The following JARID2 variants were observed in gnomAD, a reference collection of about 807,000 sequenced individuals.
JARID2 encodes the protein protein Jumonji.
In JARID2, 21 loss-of-function variants were observed where a neutral mutation model predicts 125.6. That is an observed-to-expected ratio of 0.17 (90% CI 0.12 to 0.24). The LOEUF is 0.24. JARID2 is among the 10% of genes least tolerant of loss of function. The probability of loss-of-function intolerance (pLI) is 1.00; values close to 1 mark genes in which losing one functional copy is unlikely to be tolerated. For synonymous variants in JARID2, 736 were observed against 661.6 expected (o/e 1.11, Z -1.73); for missense variants, 1,303 against 1,639.6 (o/e 0.79, Z 3.55).
intron 1 of JARID2, among the ~76,000 whole-genome samples, chr6:15,366,358 G>C (rs114929539): frequency 5.5e-4 from 84 of 151,924 alleles, no homozygotes; most frequent in African/African-American, 2.0e-3. Flanking sequence ...TACGGCTGTT[G>C]TTCAGATCCA....
intron 2 of JARID2, chr6:15,401,039 A>G: frequency 7.8e-7 from 1 of 1,289,380 alleles, no homozygotes; most frequent in Non-Finnish European, 1.0e-6. Context: ...TAAATAAAAG[A>G]CAAACCAAAT....
intron 2 of JARID2, chr6:15,400,842 G>A: frequency 7.8e-7 from 1 of 1,284,698 alleles, no homozygotes; most frequent in South Asian, 1.2e-5. Context: ...ATTACGTACA[G>A]GGGAGGATTG....
At chr6:15,495,462 T>A (rs1269238080) in intron 6 of JARID2, among the ~76,000 whole-genome samples, 5 of 152,184 alleles carry the variant, frequency 3.3e-5, no homozygotes, top group Admixed American at 2.0e-4. Flanking sequence ...CCTGGCCCTG[T>A]CCAGGGCTCG....
At chr6:15,425,424 C>T (rs62395390) in intron 3 of JARID2, among the ~76,000 whole-genome samples, 3,081 of 152,056 alleles carry the variant, frequency 0.02, 46 homozygotes, top group South Asian at 0.051. Context: ...ATTTTTGTTG[C>T]GGTGTACTGT....
At chr6:15,267,068 A>G (rs573948056) in intron 1 of JARID2, among the ~76,000 whole-genome samples, 67 of 152,164 alleles carry the variant, frequency 4.4e-4, no homozygotes, top group Middle Eastern at 3.2e-3. Context: ...TAGCTGCGTG[A>G]TCGAGGGTTT....
intron 1 of JARID2, among the ~76,000 whole-genome samples, chr6:15,263,685 C>T (rs1288730206): frequency 2.6e-5 from 4 of 151,442 alleles, no homozygotes; most frequent in East Asian, 3.9e-4. Context: ...CTCCGCCTTC[C>T]GGATTCAAGT....
intron 6 of JARID2, among the ~76,000 whole-genome samples, chr6:15,493,445 A>T (rs1770253464): frequency 6.6e-6 from 1 of 152,210 alleles, no homozygotes; most frequent in South Asian, 2.1e-4. Flanking sequence ...GTCCGGCACC[A>T]TCTGGAGTTT....
At chr6:15,384,484 A>G (rs1764708502) in intron 2 of JARID2, among the ~76,000 whole-genome samples, 1 of 150,244 alleles carries the variant, frequency 6.7e-6, no homozygotes, top group Admixed American at 6.6e-5. Context: ...TCCCTTTTTC[A>G]ATAAGTGGCA....
intron 1 of JARID2, among the ~76,000 whole-genome samples, chr6:15,284,408 C>A (rs1442430499): frequency 6.6e-6 from 1 of 152,134 alleles, no homozygotes; most frequent in Non-Finnish European, 1.5e-5. Context: ...TTCATACATC[C>A]CATGGATATA....
chr6:15,416,239 G>C (rs1428975767), intron 3 of JARID2, among the ~76,000 whole-genome samples: 2 of 151,796 alleles, frequency 1.3e-5, no homozygotes, highest in Admixed American at 1.3e-4. Flanking sequence ...TCATGTCCCA[G>C]ACGATGGGCG....
At chr6:15,325,333 T>C (rs956869727) in intron 1 of JARID2, among the ~76,000 whole-genome samples, 11 of 152,200 alleles carry the variant, frequency 7.2e-5, no homozygotes, top group Admixed American at 2.6e-4. Context: ...CTCCGTGTTA[T>C]ATTGTAATCT....
chr6:15,386,530 A>C (rs1242595133), intron 2 of JARID2, among the ~76,000 whole-genome samples: 1 of 152,152 alleles, frequency 6.6e-6, no homozygotes, highest in Non-Finnish European at 1.5e-5. Flanking sequence ...TTGGTCTGCC[A>C]CCCAGGCTGG....
chr6:15,388,973 C>T (rs562322567), intron 2 of JARID2, among the ~76,000 whole-genome samples: 53 of 152,168 alleles, frequency 3.5e-4, no homozygotes, highest in South Asian at 2.9e-3. Flanking sequence ...GGTGCCTGTT[C>T]ATGCTTGGTA....
chr6:15,506,301 CAG>C (rs749866136), intron 9 of JARID2, among the ~76,000 whole-genome samples: 1 of 152,190 alleles, frequency 6.6e-6, no homozygotes, highest in Non-Finnish European at 1.5e-5. Flanking sequence ...CTTGGGCACT[CAG>C]GGAGTCTGTT....
intron 3 of JARID2, among the ~76,000 whole-genome samples, chr6:15,420,285 C>CTA (rs1249716226): frequency 7.9e-5 from 12 of 152,044 alleles, no homozygotes; most frequent in African/African-American, 2.9e-4. Context: ...CATCTGTAAT[C>CTA]CCAGCTACTC....
chr6:15,519,927 CG>C (rs1385243090), intron 17 of JARID2, 141 bp from the exon 18 acceptor site: 3 of 545,618 alleles, frequency 5.5e-6, no homozygotes, highest in African/African-American at 2.0e-5. Flanking sequence ...CTGAGCCTCT[CG>C]GGGTTATTTT....
chr6:15,348,704 T>G (rs1763329499), intron 1 of JARID2, among the ~76,000 whole-genome samples: 1 of 152,218 alleles, frequency 6.6e-6, no homozygotes, highest in Non-Finnish European at 1.5e-5. Context: ...GCTGAAACCA[T>G]ACAGGTAAAA....
chr6:15,400,368 A>G (rs1765378293), intron 2 of JARID2, among the ~76,000 whole-genome samples: 1 of 152,132 alleles, frequency 6.6e-6, no homozygotes, highest in Non-Finnish European at 1.5e-5. Flanking sequence ...CAGGTTTCCC[A>G]GCCAAAAAAA....
chr6:15,392,129 C>T (rs1022715523), intron 2 of JARID2, among the ~76,000 whole-genome samples: 1 of 150,878 alleles, frequency 6.6e-6, no homozygotes, highest in East Asian at 1.9e-4. Context: ...GGTTTTAGTG[C>T]CACTTTGTCC....
Sources: allele counts gnomAD v4.1 joint callset (sites outside exome capture counted in the v4.1 genomes callset), GRCh38; gene constraint gnomAD v4.1.1; transcripts MANE v1.5; gene names NCBI Gene and HGNC (gene_info 2026-07-23, HGNC 2026-07-21).